Variants in GRB2 observed in about 807,000 individuals in gnomAD.
GRB2 encodes the protein growth factor receptor bound protein 2.
Under a neutral mutation model 27.4 loss-of-function variants are expected in GRB2, and 2 were observed. The observed-to-expected ratio is 0.07, with a 90% CI of 0.03 to 0.23. GRB2 has a LOEUF of 0.23. Among genes scored for constraint, GRB2 ranks in the 10% least tolerant of loss-of-function variants. The probability of loss-of-function intolerance (pLI) is 1.00; values close to 1 mark genes in which losing one functional copy is unlikely to be tolerated. For missense variants in GRB2, 102 were observed against 282.4 expected (o/e 0.36, Z 4.58); for synonymous variants, 94 against 99.6 (o/e 0.94, Z 0.33).
intron 2 of GRB2, among the ~76,000 whole-genome samples, chr17:75,378,857 A>G (rs1354077756): frequency 6.6e-6 from 1 of 152,262 alleles, no homozygotes; most frequent in East Asian, 1.9e-4. Context: ...TCACTGGGAT[A>G]TATGACGTGG....
In GRB2 at chr17:75,391,413, T is replaced by A. The variant is rs1338451779; in HGVS notation, c.78+2138A>T. Among the ~76,000 whole-genome samples, 4 of 152,180 alleles carry A rather than the reference T, an allele frequency of 2.6e-5. No individual in the cohort carries two copies. In the East Asian group the frequency reaches 7.7e-4, roughly 29 times the overall value. On this transcript the variant is annotated intron_variant, in intron 2 of 5. Transcript: ENST00000316804. Reference sequence around the variant, plus strand: ...TGGGAAAGAAGGTTTTTACACTTGCTCCAGAATTTACTAATTTAAGTTAAA... The same window carrying A: ...TGGGAAAGAAGGTTTTTACACTTGCACCAGAATTTACTAATTTAAGTTAAA...
chr17:75,376,486 A>C (rs904128992), intron 2 of GRB2, among the ~76,000 whole-genome samples: 2 of 147,934 alleles, frequency 1.4e-5, no homozygotes, highest in Admixed American at 7.0e-5. Context: ...GCACTGCTGC[A>C]TTTCAGCCTG....
rs865774036 is a variant in GRB2, at chr17:75,343,348, G to T, written c.79-10551C>A. Among the ~76,000 whole-genome samples, 8 of 152,170 alleles carry T rather than the reference G, an allele frequency of 5.3e-5. No individual in the cohort carries two copies. In the South Asian group the frequency reaches 1.4e-3, roughly 28 times the overall value. ...CAGTCTGCAAGACCTTGGATTTTTT[G>T]ATTCACCCACTGACCAGCAACTAGG... On this transcript the variant is annotated intron_variant, in intron 2 of 5. Coordinates refer to ENST00000316804, the MANE Select transcript of GRB2 (RefSeq NM_002086.5).
At chr17:75,393,170 GAA>G (rs2079009145) in intron 2 of GRB2, among the ~76,000 whole-genome samples, 1 of 152,150 alleles carries the variant, frequency 6.6e-6, no homozygotes, top group African/African-American at 2.4e-5. Context: ...AAGACTAACT[GAA>G]TGCTTTTACA....
At chr17:75,339,876 G>A (rs562631676) in intron 2 of GRB2, among the ~76,000 whole-genome samples, 5 of 152,250 alleles carry the variant, frequency 3.3e-5, no homozygotes, top group African/African-American at 9.6e-5. Context: ...CGATCCACCC[G>A]CCTTGGCCTC....
intron 2 of GRB2, among the ~76,000 whole-genome samples, chr17:75,351,819 A>G (rs914258362): frequency 2.0e-5 from 3 of 152,198 alleles, no homozygotes; most frequent in East Asian, 1.9e-4. Context: ...ACTGCTCATA[A>G]CCAATTACCA....
intron 1 of GRB2, among the ~76,000 whole-genome samples, chr17:75,402,546 T>C (rs1406090184): frequency 6.6e-6 from 1 of 152,200 alleles, no homozygotes; most frequent in East Asian, 1.9e-4. Flanking sequence ...TATGGCTGCA[T>C]TTGGTAACAA....
Position 75,389,673 on chromosome 17 carries a change from C to T in GRB2, c.78+3878G>A, listed in dbSNP as rs138695690. ...CATCCTGGCTAACATGGTGAAACCC[C>T]GTCTCTACTAAAAATACAAAAAATT... On this transcript the variant is annotated intron_variant, in intron 2 of 5. Coordinates refer to ENST00000316804, the MANE Select transcript of GRB2 (RefSeq NM_002086.5). Among the ~76,000 whole-genome samples, 815 of 152,072 alleles carry T rather than the reference C, an allele frequency of 5.4e-3. 5 individuals carry two copies. Among genetic ancestry groups the T allele is most frequent in the African/African-American group, 0.019 (773 of 41,502 alleles).
At chr17:75,338,960 A>C in intron 2 of GRB2, 2 of 1,163,710 alleles carry the variant, frequency 1.7e-6, no homozygotes, top group Non-Finnish European at 2.6e-6. Context: ...GACAGGAAGC[A>C]GAGTGGCTAT....
intron 2 of GRB2, among the ~76,000 whole-genome samples, chr17:75,346,638 A>C (rs1467572315): frequency 8.0e-6 from 1 of 124,506 alleles, no homozygotes; most frequent in Non-Finnish European, 1.6e-5. Context: ...GCAGGAGTGC[A>C]GTGGTGCAAT....
At chr17:75,373,509 T>C (rs1016637958) in intron 2 of GRB2, 36 of 152,316 alleles carry the variant, frequency 2.4e-4, no homozygotes, top group Admixed American at 1.9e-3. Context: ...GACAGTAAGC[T>C]TGGCTAATGT....
chr17:75,333,330 C>G (rs1384878977), intron 2 of GRB2, among the ~76,000 whole-genome samples: 1 of 152,108 alleles, frequency 6.6e-6, no homozygotes, highest in Non-Finnish European at 1.5e-5. Flanking sequence ...CCCACCTTGG[C>G]CTCTCAAATT....
intron 4 of GRB2, among the ~76,000 whole-genome samples, chr17:75,323,004 A>T (rs2145818398): frequency 6.6e-6 from 1 of 151,996 alleles, no homozygotes; most frequent in South Asian, 2.1e-4. Flanking sequence ...CTGTAGTCAC[A>T]GCTACTCGGG....
At chr17:75,388,588 G>C (rs1161520825) in intron 2 of GRB2, among the ~76,000 whole-genome samples, 3 of 145,906 alleles carry the variant, frequency 2.1e-5, no homozygotes, top group Non-Finnish European at 1.5e-5. Flanking sequence ...AATAGTGGGG[G>C]GGGGGAAGAA....
chr17:75,390,430 T>C (rs922179826), intron 2 of GRB2, among the ~76,000 whole-genome samples: 7 of 152,174 alleles, frequency 4.6e-5, no homozygotes, highest in Non-Finnish European at 1.0e-4. Context: ...GTCTCAAGCC[T>C]GCCCTACAAT....
chr17:75,389,062 C>A (rs2078982439), intron 2 of GRB2, among the ~76,000 whole-genome samples: 1 of 152,134 alleles, frequency 6.6e-6, no homozygotes, highest in South Asian at 2.1e-4. Context: ...GGGGCCCCAG[C>A]CTTGCCCCCT....
intron 2 of GRB2, chr17:75,373,356 A>G (rs941960069): frequency 2.6e-5 from 4 of 152,244 alleles, no homozygotes; most frequent in East Asian, 1.9e-4. Context: ...AAGAAGTGTC[A>G]TAAGTATTCT....
intron 1 of GRB2, chr17:75,394,003 A>C: frequency 3.5e-6 from 1 of 287,008 alleles, no homozygotes; most frequent in East Asian, 7.9e-5. Flanking sequence ...TCCTGAACAC[A>C]CTTCCTCTTC....
chr17:75,404,735 G>A (rs1469467348), intron 1 of GRB2: 2 of 152,300 alleles, frequency 1.3e-5, no homozygotes, highest in East Asian at 3.9e-4. Flanking sequence ...ATCAAAAAGA[G>A]ACAGACCTCA....
Sources: gnomAD v4.1 joint callset for allele counts (sites outside exome capture counted in the v4.1 genomes callset) on GRCh38, gnomAD v4.1.1 for gene constraint, MANE v1.5 for transcripts, NCBI Gene and HGNC (gene_info 2026-07-23, HGNC 2026-07-21) for gene names.